UBE2D3: variants seen among roughly 807,000 people sequenced by gnomAD.
The protein encoded by UBE2D3 is ubiquitin-conjugating enzyme E2 D3.
Under a neutral mutation model 22.8 loss-of-function variants are expected in UBE2D3, and 2 were observed. That is an observed-to-expected ratio of 0.09 (90% CI 0.04 to 0.28). The LOEUF (loss-of-function observed/expected upper bound fraction) is 0.28. UBE2D3 is among the 10% of genes least tolerant of loss of function. The probability of loss-of-function intolerance (pLI) is 1.00; values close to 1 mark genes in which losing one functional copy is unlikely to be tolerated. For missense variants in UBE2D3, 27 were observed against 182.5 expected (o/e 0.15, Z 4.91); for synonymous variants, 56 against 60.4 (o/e 0.93, Z 0.34).
intron 2 of UBE2D3, 38 bp downstream of exon 2, chr4:102,826,447 T>A: frequency 6.2e-7 from 1 of 1,613,332 alleles, no homozygotes; most frequent in Non-Finnish European, 8.5e-7. Context: ...AGCCTTCCTT[T>A]TCTCCTACCA....
At chr4:102,807,209 G>A (rs1007459219) in intron 4 of UBE2D3, among the ~76,000 whole-genome samples, 4 of 152,120 alleles carry the variant, frequency 2.6e-5, no homozygotes, top group African/African-American at 9.7e-5. Context: ...GTTGCTTTAG[G>A]TCACAACTGC....
intron 1 of UBE2D3, among the ~76,000 whole-genome samples, chr4:102,850,758 G>T (rs750902269): frequency 2.6e-5 from 4 of 152,112 alleles, no homozygotes; most frequent in African/African-American, 4.8e-5. Context: ...GCCATAAAAA[G>T]AAATGAAATA....
At chr4:102,828,349 G>A (rs965734815), upstream of UBE2D3, among the ~76,000 whole-genome samples, 4 of 152,120 alleles carry the variant, frequency 2.6e-5, no homozygotes, top group African/African-American at 7.2e-5. Context: ...GCCCTCCTGG[G>A]CTGGTTATGC....
intron 1 of UBE2D3, among the ~76,000 whole-genome samples, chr4:102,854,497 T>A (rs1258368104): frequency 2.0e-5 from 3 of 152,216 alleles, no homozygotes; most frequent in African/African-American, 7.2e-5. Context: ...GTTAGGTGCA[T>A]ATATGTTAAA....
At chr4:102,838,295 T>A (rs1459218888) in intron 1 of UBE2D3, among the ~76,000 whole-genome samples, 1 of 152,224 alleles carries the variant, frequency 6.6e-6, no homozygotes, top group Non-Finnish European at 1.5e-5. Context: ...GTCTATTGTA[T>A]CTGCATGGTG....
intron 1 of UBE2D3, among the ~76,000 whole-genome samples, chr4:102,842,135 T>C (rs748201539): frequency 1.3e-4 from 20 of 151,972 alleles, no homozygotes; most frequent in African/African-American, 4.3e-4. Flanking sequence ...CCCTAAGTAA[T>C]AGTTATTACC....
chr4:102,811,688 A>AAC, intron 2 of UBE2D3: 5 of 367,744 alleles, frequency 1.4e-5, no homozygotes, highest in East Asian at 8.9e-5. Flanking sequence ...CAAAAAAAAA[A>AAC]CCCCAGAAAA....
intron 7 of UBE2D3, among the ~76,000 whole-genome samples, chr4:102,798,572 A>G (rs1312782431): frequency 6.6e-6 from 1 of 151,472 alleles, no homozygotes; most frequent in East Asian, 1.9e-4. Context: ...TTTCCCTTAC[A>G]TTACTATCTC....
chr4:102,856,920 G>A (rs1732647987), intron 1 of UBE2D3, among the ~76,000 whole-genome samples: 2 of 152,114 alleles, frequency 1.3e-5, no homozygotes. Context: ...TAAATAGGTG[G>A]AGCATAGGGC....
At chr4:102,815,854 G>A (rs1728714374) in intron 2 of UBE2D3, among the ~76,000 whole-genome samples, 1 of 151,920 alleles carries the variant, frequency 6.6e-6, no homozygotes, top group African/African-American at 2.4e-5. Flanking sequence ...TCAAAACAAA[G>A]GTCTTTTTTA....
intron 1 of UBE2D3, among the ~76,000 whole-genome samples, chr4:102,862,353 G>T (rs1403898767): frequency 2.0e-5 from 3 of 151,776 alleles, no homozygotes; most frequent in Admixed American, 2.0e-4. Flanking sequence ...TAAAAAAATT[G>T]ATTAGTTTCT....
upstream of UBE2D3, among the ~76,000 whole-genome samples, chr4:102,831,700 A>G (rs549792132): frequency 7.2e-5 from 11 of 152,238 alleles, no homozygotes; most frequent in Non-Finnish European, 1.3e-4. Context: ...AATGACCACA[A>G]TAGTGCATTC....
At chr4:102,811,932 CATT>C in intron 2 of UBE2D3, 1 of 218,142 alleles carries the variant, frequency 4.6e-6, no homozygotes, top group South Asian at 4.5e-5. Flanking sequence ...TAACTAAAAA[CATT>C]AATCTTCTTT....
At chr4:102,843,591 G>C (rs1301027825) in intron 1 of UBE2D3, 1 of 152,084 alleles carries the variant, frequency 6.6e-6, no homozygotes, top group Non-Finnish European at 1.5e-5. Flanking sequence ...AGTTCCCTCT[G>C]ACCAGTTAAT....
chr4:102,799,833 G>T (rs1190273288), intron 6 of UBE2D3, among the ~76,000 whole-genome samples: 1 of 26,880 alleles, frequency 3.7e-5, no homozygotes, highest in Non-Finnish European at 5.9e-5. Context: ...CTCAGTGGCT[G>T]GGGGGGGGGG....
chr4:102,826,914 C>G lies in UBE2D3; in HGVS notation c.-128-278G>C, dbSNP rs1009173273. 21 of 1,020,246 alleles carry G rather than the reference C, an allele frequency of 2.1e-5. No individual in the cohort carries two copies. The African/African-American group carries it at 3.6e-4, about 18-fold the overall frequency. The allele number at this position is 1,020,246 out of a possible 1,614,324, so 63.2% of individuals were successfully genotyped here. ...AAAGGGGTGGGTGCGGGGCAGGGTC[C>G]GGAGCCCAGCAGAGGAGGAGCCGGG... On this transcript the variant is annotated intron_variant, in intron 1 of 7. Coordinates refer to ENST00000453744, the MANE Select transcript of UBE2D3 (RefSeq NM_181891.3).
chr4:102,851,771 ATT>A (rs1339521800), intron 1 of UBE2D3, among the ~76,000 whole-genome samples: 2 of 151,588 alleles, frequency 1.3e-5, no homozygotes, highest in Non-Finnish European at 2.9e-5. Flanking sequence ...GGTTCAAGCA[ATT>A]CTCCTGTCTC....
chr4:102,807,789 A>G (rs1376182431), intron 4 of UBE2D3, among the ~76,000 whole-genome samples: 1 of 152,210 alleles, frequency 6.6e-6, no homozygotes, highest in Non-Finnish European at 1.5e-5. Context: ...AATTACTACC[A>G]TACACTCATC....
At chr4:102,853,378 T>G (rs1463465798) in intron 1 of UBE2D3, among the ~76,000 whole-genome samples, 3 of 152,012 alleles carry the variant, frequency 2.0e-5, no homozygotes, top group Non-Finnish European at 2.9e-5. Flanking sequence ...CAAAATTATG[T>G]ACATTATTAT....
Sources: allele counts gnomAD v4.1 joint callset (sites outside exome capture counted in the v4.1 genomes callset), GRCh38; gene constraint gnomAD v4.1.1; transcripts MANE v1.5; gene names NCBI Gene and HGNC (gene_info 2026-07-23, HGNC 2026-07-21).